Variants in FUT9 observed in about 807,000 individuals in gnomAD.
FUT9 encodes 4-galactosyl-N-acetylglucosaminide 3-alpha-L-fucosyltransferase 9.
A neutral mutation model predicts 29.7 loss-of-function variants in FUT9; 15 were observed. The ratio of observed to expected loss-of-function variants is 0.51; its 90% CI spans 0.34 to 0.78. The LOEUF (loss-of-function observed/expected upper bound fraction) is 0.78. Among genes scored for constraint, FUT9 ranks in the 30% least tolerant of loss-of-function variants. The pLI is 0.01. For synonymous variants in FUT9, 169 were observed against 153.7 expected (o/e 1.10, Z -0.74); for missense variants, 319 against 425.4 (o/e 0.75, Z 2.20).
At chr6:96,097,237 C>T (rs1352212380) in intron 1 of FUT9, among the ~76,000 whole-genome samples, 2 of 152,340 alleles carry the variant, frequency 1.3e-5, no homozygotes, top group East Asian at 3.9e-4. Flanking sequence ...CAGTTTTAGT[C>T]GTCTTTATAA....
At chr6:96,093,258 A>G (rs1490055810) in intron 1 of FUT9, among the ~76,000 whole-genome samples, 1 of 152,112 alleles carries the variant, frequency 6.6e-6, no homozygotes, top group Non-Finnish European at 1.5e-5. Flanking sequence ...CCTACCAAAT[A>G]TTTACTAAAT....
chr6:96,133,265 T>G (rs974193020), intron 2 of FUT9, among the ~76,000 whole-genome samples: 1 of 151,844 alleles, frequency 6.6e-6, no homozygotes, highest in African/African-American at 2.4e-5. Context: ...AGGAAAAAAA[T>G]AGCCCTAGAA....
At chr6:96,172,925 T>C (rs1178200265) in intron 2 of FUT9, among the ~76,000 whole-genome samples, 1 of 152,124 alleles carries the variant, frequency 6.6e-6, no homozygotes, top group Non-Finnish European at 1.5e-5. Flanking sequence ...CCCTGTACCA[T>C]TGAAAAAATT....
chr6:96,186,311 C>T (rs941663953), intron 2 of FUT9, among the ~76,000 whole-genome samples: 3 of 152,036 alleles, frequency 2.0e-5, no homozygotes, highest in Non-Finnish European at 1.5e-5. Context: ...TATTTAATCC[C>T]AGCAAAGCTG....
chr6:96,075,770 A>C (rs1399559969), intron 1 of FUT9, among the ~76,000 whole-genome samples: 1 of 152,108 alleles, frequency 6.6e-6, no homozygotes, highest in Non-Finnish European at 1.5e-5. Context: ...ATTTTATGTC[A>C]ACTTAAGTTC....
At chr6:96,084,431 TCA>T in intron 1 of FUT9, among the ~76,000 whole-genome samples, 1 of 152,092 alleles carries the variant, frequency 6.6e-6, no homozygotes, top group Non-Finnish European at 1.5e-5. Context: ...ATCACTCTTG[TCA>T]ATTACAAATA....
chr6:96,106,346 G>A (rs182266103), intron 1 of FUT9, among the ~76,000 whole-genome samples: 18 of 151,996 alleles, frequency 1.2e-4, no homozygotes, highest in Admixed American at 5.9e-4. Context: ...ATCTTATCTT[G>A]ACGTCATTTA....
At chr6:96,090,716 T>C (rs1372635440) in intron 1 of FUT9, among the ~76,000 whole-genome samples, 1 of 151,750 alleles carries the variant, frequency 6.6e-6, no homozygotes, top group Admixed American at 6.6e-5. Flanking sequence ...AGAGACAGTA[T>C]GAAATAGACA....
chr6:96,153,114 A>G (rs1182057256), intron 2 of FUT9, among the ~76,000 whole-genome samples: 2 of 150,958 alleles, frequency 1.3e-5, no homozygotes, highest in East Asian at 3.8e-4. Context: ...CCTGCTTAAT[A>G]AGTAGATATA....
At chr6:96,078,408 CTTTTTTTTTTTTTTTTTTTTTT>C (rs71012536) in intron 1 of FUT9, among the ~76,000 whole-genome samples, 4 of 44,200 alleles carry the variant, frequency 9.0e-5, no homozygotes, top group South Asian at 1.8e-3. Flanking sequence ...TATTAGTCTT[CTTTTTTTTTTTTTTTTTTTTTT>C]TTTTTTTTGA....
In FUT9 at chr6:96,092,393, AT is replaced by A. The variant is rs936861475; in HGVS notation, c.-97-21644del. Among the ~76,000 whole-genome samples, 9 of 151,296 alleles carry A rather than the reference AT, an allele frequency of 5.9e-5. No homozygotes were observed. In the East Asian group the frequency reaches 1.4e-3, roughly 23 times the overall value. ...TGATAGATATATTCACAACAAGTAT[AT>A]TAAAAAAGAATGTTGAGAGTATATT... On this transcript the variant is annotated intron_variant, in intron 1 of 2. Transcript: ENST00000302103.
intron 1 of FUT9, among the ~76,000 whole-genome samples, chr6:96,057,512 C>T (rs1187335844): frequency 6.6e-6 from 1 of 152,172 alleles, no homozygotes; most frequent in Non-Finnish European, 1.5e-5. Flanking sequence ...TCCTAAGAAA[C>T]TCAACATTAT....
chr6:96,038,173 T>A (rs1770396329), intron 1 of FUT9, among the ~76,000 whole-genome samples: 1 of 152,070 alleles, frequency 6.6e-6, no homozygotes, highest in African/African-American at 2.4e-5. Context: ...AAGGCATGAG[T>A]TTCCATTTAA....
chr6:96,159,389 CT>C (rs1772853761), intron 2 of FUT9, among the ~76,000 whole-genome samples: 1 of 152,106 alleles, frequency 6.6e-6, no homozygotes, highest in East Asian at 1.9e-4. Context: ...AGCATCTTTT[CT>C]CTATAACTTC....
At chr6:96,185,213 G>C (rs2127987083) in intron 2 of FUT9, among the ~76,000 whole-genome samples, 1 of 151,984 alleles carries the variant, frequency 6.6e-6, no homozygotes, top group South Asian at 2.1e-4. Context: ...TGTTTGTTTT[G>C]AATTGGAGGA....
At chr6:96,055,144 T>C (rs1028147093) in intron 1 of FUT9, among the ~76,000 whole-genome samples, 6 of 152,180 alleles carry the variant, frequency 3.9e-5, no homozygotes, top group African/African-American at 1.2e-4. Flanking sequence ...TTCTGATTAA[T>C]TGATTTATAA....
intron 2 of FUT9, among the ~76,000 whole-genome samples, chr6:96,125,398 G>A (rs1772115789): frequency 6.6e-6 from 1 of 152,060 alleles, no homozygotes; most frequent in Non-Finnish European, 1.5e-5. Flanking sequence ...TAATTACATT[G>A]TGGCAATGGC....
At chr6:96,155,501 G>A (rs901917773) in intron 2 of FUT9, among the ~76,000 whole-genome samples, 2 of 151,798 alleles carry the variant, frequency 1.3e-5, no homozygotes, top group Admixed American at 6.6e-5. Flanking sequence ...GTGAAACCCC[G>A]TCTCTACTAA....
intron 2 of FUT9, among the ~76,000 whole-genome samples, chr6:96,130,257 T>C (rs1684340100): frequency 6.6e-6 from 1 of 152,134 alleles, no homozygotes; most frequent in African/African-American, 2.4e-5. Flanking sequence ...AATTTGACTT[T>C]CTCTGCTATG....
Sources: allele counts gnomAD v4.1 joint callset (sites outside exome capture counted in the v4.1 genomes callset), GRCh38; gene constraint gnomAD v4.1.1; transcripts MANE v1.5; gene names NCBI Gene and HGNC (gene_info 2026-07-23, HGNC 2026-07-21).